The following SPICE1 variants were observed in gnomAD, a reference collection of about 807,000 sequenced individuals.
SPICE1 encodes the protein spindle and centriole-associated protein 1.
Under a neutral mutation model 102.7 loss-of-function variants are expected in SPICE1, and 75 were observed. The ratio of observed to expected loss-of-function variants is 0.73; its 90% CI spans 0.61 to 0.88. SPICE1 has a LOEUF of 0.88. Among genes scored for constraint, SPICE1 ranks in the 40% least tolerant of loss-of-function variants. SPICE1 has a pLI of 0.00. For synonymous variants in SPICE1, 308 were observed against 350.3 expected (o/e 0.88, Z 1.35); for missense variants, 979 against 1,020.1 (o/e 0.96, Z 0.55).
chr3:113,470,689 A>G (rs1936173956), intron 7 of SPICE1, among the ~76,000 whole-genome samples: 1 of 152,230 alleles, frequency 6.6e-6, no homozygotes, highest in South Asian at 2.1e-4. Context: ...ATGTGGCCAG[A>G]GCTGCAGATC....
At chr3:113,446,503 A>T in intron 17 of SPICE1, 86 bp downstream of exon 17, 1 of 951,714 alleles carries the variant, frequency 1.1e-6, no homozygotes, top group Non-Finnish European at 1.7e-6. Context: ...GATAACAGGA[A>T]TGATAATTAA....
chr3:113,491,624 C>CAAAAAAA (rs869171154), intron 6 of SPICE1, among the ~76,000 whole-genome samples: 1,544 of 38,094 alleles, frequency 0.041, 172 homozygotes, highest in East Asian at 0.086. Context: ...GACTCCGTCT[C>CAAAAAAA]AAAAAAAAAA....
intron 10 of SPICE1, among the ~76,000 whole-genome samples, chr3:113,467,111 A>G (rs186634113): frequency 6.6e-6 from 1 of 152,326 alleles, no homozygotes; most frequent in Non-Finnish European, 1.5e-5. Context: ...CATCTGTATT[A>G]AGGTGGTAAA....
intron 7 of SPICE1, among the ~76,000 whole-genome samples, chr3:113,469,516 TTTAA>T (rs1022857995): frequency 3.4e-5 from 5 of 147,162 alleles, no homozygotes; most frequent in African/African-American, 1.2e-4. Context: ...TAATTTATAA[TTTAA>T]TTATATAAAT....
At chr3:113,512,935 CTAAGA>C (rs1186140941) in intron 1 of SPICE1, among the ~76,000 whole-genome samples, 1 of 152,158 alleles carries the variant, frequency 6.6e-6, no homozygotes, top group Non-Finnish European at 1.5e-5. Flanking sequence ...ACTAAATAAA[CTAAGA>C]TATTAGTAAA....
chr3:113,505,320 T>C (rs1395422608), intron 2 of SPICE1, among the ~76,000 whole-genome samples: 1 of 152,174 alleles, frequency 6.6e-6, no homozygotes, highest in Admixed American at 6.5e-5. Context: ...ACATATTTTT[T>C]TTTTCCGATT....
rs762782357 is a variant in SPICE1 at position 113,453,501 on chromosome 3, A to G, written c.2107T>C (p.Leu703=). 3 of 1,611,370 alleles carry G rather than the reference A, an allele frequency of 1.9e-6. No individual in the cohort carries two copies. Among genetic ancestry groups the G allele is most frequent in the Non-Finnish European group, 2.5e-6 (3 of 1,178,064 alleles). Reference sequence around the variant, plus strand: ...TCACTTGCACTTTCTTGTTTGTTCAACTCCCGGAGTCCATCCCCTTGCTCT... The same window carrying G: ...TCACTTGCACTTTCTTGTTTGTTCAGCTCCCGGAGTCCATCCCCTTGCTCT... ...RGEQGDGLRE[L]NKQESASDMT... Residue 703 remains leucine, a synonymous_variant, in exon 14 of 18, where the codon TTG becomes CTG. Transcript: ENST00000295872.
chr3:113,513,813 T>C (rs1287703058), intron 1 of SPICE1, among the ~76,000 whole-genome samples: 4 of 152,226 alleles, frequency 2.6e-5, no homozygotes, highest in Admixed American at 1.3e-4. Flanking sequence ...ATCCATCTAT[T>C]AATGTAACTA....
intron 7 of SPICE1, among the ~76,000 whole-genome samples, chr3:113,488,678 A>G (rs1936698183): frequency 6.6e-6 from 1 of 152,192 alleles, no homozygotes; most frequent in Non-Finnish European, 1.5e-5. Flanking sequence ...ACTGGTGCTC[A>G]TGTGCATGCA....
chr3:113,480,766 G>A (rs570687568), intron 7 of SPICE1, among the ~76,000 whole-genome samples: 7 of 151,846 alleles, frequency 4.6e-5, no homozygotes, highest in Admixed American at 6.6e-5. Flanking sequence ...CTGTAGTCCC[G>A]GCTACTAGAG....
intron 10 of SPICE1, 57 bp downstream of exon 10, chr3:113,468,082 A>G: frequency 6.4e-7 from 1 of 1,558,862 alleles, no homozygotes; most frequent in Non-Finnish European, 8.7e-7. Context: ...ATGGAAAGGA[A>G]AAAAAACTCA....
At chr3:113,490,593 G>A (rs1003295395) in intron 6 of SPICE1, among the ~76,000 whole-genome samples, 9 of 151,900 alleles carry the variant, frequency 5.9e-5, no homozygotes, top group Non-Finnish European at 1.5e-5. Flanking sequence ...AGTGAGTCAT[G>A]ATTGTGCCAC....
At chr3:113,484,194 T>C (rs1163485001) in intron 7 of SPICE1, among the ~76,000 whole-genome samples, 3 of 152,224 alleles carry the variant, frequency 2.0e-5, no homozygotes, top group Non-Finnish European at 4.4e-5. Flanking sequence ...AGTATTCTGA[T>C]GGTAGTTTGT....
chr3:113,480,799 G>A (rs900476402), intron 7 of SPICE1, among the ~76,000 whole-genome samples: 3 of 151,732 alleles, frequency 2.0e-5, no homozygotes, highest in Non-Finnish European at 4.4e-5. Context: ...TGAGGTGAGA[G>A]GCTGAGGTGA....
In SPICE1 at chr3:113,468,963, T is replaced by C. The variant is rs150425011; in HGVS notation, c.752-64A>G. The C allele has an allele frequency of 1.2e-5, 19 of 1,573,006 alleles. No individual in the cohort carries two copies. In the East Asian group the frequency reaches 3.2e-4, roughly 26 times the overall value. On this transcript the variant is annotated intron_variant, in intron 8 of 17. Coordinates refer to ENST00000295872, the MANE Select transcript of SPICE1 (RefSeq NM_144718.4). Reference sequence around the variant, plus strand: ...CAAACTTCTTAAGAAAGTATTTCAATTGACAGATCCATCAGTATTTTAGTC... The same window carrying C: ...CAAACTTCTTAAGAAAGTATTTCAACTGACAGATCCATCAGTATTTTAGTC...
intron 4 of SPICE1, 38 bp downstream of exon 4, chr3:113,499,401 C>CT (rs750778476): frequency 6.3e-7 from 1 of 1,586,826 alleles, no homozygotes; most frequent in South Asian, 1.1e-5. Context: ...TATTTATCTC[C>CT]TTTTTTTCTT....
In SPICE1 at chr3:113,445,230, A is replaced by G; in HGVS notation, c.*77T>C. On this transcript the variant is annotated 3_prime_UTR_variant, in exon 18 of 18. Transcript: ENST00000295872. ...TGTAGGTTTTATCTGAAAGAAGGAT[A>G]TAAAAACTTAAAAGTCAGAGCAGGG... 3 of 1,174,790 alleles carry G rather than the reference A, an allele frequency of 2.6e-6. No individual in the cohort carries two copies. In the South Asian group the frequency reaches 4.1e-5, roughly 16 times the overall value. 72.8% of individuals were successfully genotyped at this position (1,174,790 alleles called of 1,614,324 possible).
At position 113,503,212 on chromosome 3, in the gene SPICE1, G is replaced by C; in HGVS notation, c.115C>G (p.Leu39Val). The stretch of plus-strand genomic sequence containing the variant: ...TCGGGAGTTGCCCGATGAACGGTTA[G>C]ATCAGTCACGGTATTCTGTAAAAAA... The part of the protein sequence containing the change: ...KQEWDNTVTD[L>V]TVHRATPEDL... Residue 39 changes from leucine to valine, a missense_variant, in exon 3 of 18, where the codon CTA becomes GTA. Transcript: ENST00000295872. 6.3e-7 allele frequency: 1 copy of C among 1,596,778 alleles called. No homozygotes were observed. The highest frequency in any genetic ancestry group is 1.4e-5 in the African/African-American group (1 of 73,252).
At chr3:113,499,309 C>T in intron 4 of SPICE1, 130 bp downstream of exon 4, 1 of 1,030,762 alleles carries the variant, frequency 9.7e-7, no homozygotes, top group South Asian at 2.3e-5. Flanking sequence ...TTTTGAAGTC[C>T]ACATGTAGAT....
Sources: allele counts gnomAD v4.1 joint callset (sites outside exome capture counted in the v4.1 genomes callset), GRCh38; gene constraint gnomAD v4.1.1; transcripts MANE v1.5; gene names NCBI Gene and HGNC (gene_info 2026-07-23, HGNC 2026-07-21).